The following BCOR variants were observed in gnomAD, a reference collection of about 807,000 sequenced individuals.
BCOR encodes the protein BCL-6 corepressor.
Under a neutral mutation model 86.7 loss-of-function variants are expected in BCOR, and 10 were observed. The ratio of observed to expected loss-of-function variants is 0.12; its 90% CI spans 0.07 to 0.20. The LOEUF (loss-of-function observed/expected upper bound fraction) is 0.20. Among genes scored for constraint, BCOR ranks in the 10% least tolerant of loss-of-function variants. The pLI is 1.00. For synonymous variants in BCOR, 611 were observed against 609.0 expected (o/e 1.00, Z -0.05); for missense variants, 1,259 against 1,452.1 (o/e 0.87, Z 2.16).
At chrX:40,094,284 T>A (rs1936750991) in intron 1 of BCOR, among the ~76,000 whole-genome samples, 1 of 112,220 alleles carries the variant, frequency 8.9e-6, no homozygotes, top group Admixed American at 9.3e-5. Context: ...GGAGCCTGCA[T>A]GCCTGTCTAG....
upstream of BCOR, among the ~76,000 whole-genome samples, chrX:40,098,528 A>C (rs1432186957): frequency 9.0e-6 from 1 of 111,184 alleles, no homozygotes; most frequent in Non-Finnish European, 1.9e-5. Context: ...GCTACCCAGA[A>C]GGCCAGTGGA....
rs1417294546 is a variant in BCOR, at chrX:40,073,992, C to T, written c.1354G>A (p.Ala452Thr). 5 of 1,211,024 alleles carry T rather than the reference C, an allele frequency of 4.1e-6. No homozygotes were observed. In the African/African-American group the frequency reaches 8.7e-5, roughly 21 times the overall value. ...DLSSKVVDVD[A>T]SKADHMKKMA... ...TTTTTCATGTGGTCAGCTTTGGAAG[C>T]ATCTACATCCACCACTTTAGAAGAC... Residue 452 changes from alanine (A) to threonine (T), a missense_variant, in exon 4 of 15, where the codon GCT becomes ACT. By Grantham distance (58) the Ala-to-Thr change is moderately conservative. Transcript: ENST00000378444.
At chrX:40,103,836 G>C (rs1027575550) in intron 1 of BCOR, among the ~76,000 whole-genome samples, 1 of 111,644 alleles carries the variant, frequency 9.0e-6, no homozygotes, top group Non-Finnish European at 1.9e-5. Flanking sequence ...GCTAAGCTGG[G>C]GCAAAGCGGC....
chrX:40,068,971 C>A (rs1310428868), intron 6 of BCOR, among the ~76,000 whole-genome samples: 1 of 112,762 alleles, frequency 8.9e-6, no homozygotes, highest in African/African-American at 3.2e-5. Context: ...TTCGGGGAGG[C>A]ATCCTGTACC....
At chrX:40,174,875 T>C (rs1388926752) in intron 1 of BCOR, among the ~76,000 whole-genome samples, 2 of 113,098 alleles carry the variant, frequency 1.8e-5, no homozygotes, top group African/African-American at 6.4e-5. Context: ...CAACGTGTAT[T>C]AGATTGAAAC....
At position 40,146,310 on chromosome X, in the gene BCOR, C is replaced by T. The variant is rs201611619; in HGVS notation, c.-41+30697G>A. Among the ~76,000 whole-genome samples the T allele has an allele frequency of 8.2e-3, 915 of 111,647 alleles. 5 individuals are homozygous for T. Among genetic ancestry groups the T allele is most frequent in the Non-Finnish European group, 0.012 (651 of 52,781 alleles). The stretch of plus-strand genomic sequence containing the variant: ...CCCTGAGGTCCTCCCTGCGCCCCCA[C>T]TCTGTTTAACCCCCAGGTGGGGAGA... On this transcript the variant is annotated intron_variant, in intron 1 of 14. Coordinates refer to the BCOR transcript ENST00000342274.
rs1371290509 is a variant in BCOR at position 40,097,371 on chromosome X, GAGA to G, written c.-200_-198del. 29 of 110,631 alleles carry G rather than the reference GAGA, an allele frequency of 2.6e-4. No homozygotes were observed. Among genetic ancestry groups the G allele is most frequent in the African/African-American group, 9.5e-4 (29 of 30,540 alleles). 9.1% of individuals were successfully genotyped at this position (110,631 alleles called of 1,213,427 possible). A position where few individuals can be genotyped will look rare whatever the true frequency, so the allele number is the denominator to read the frequency against. The stretch of plus-strand genomic sequence containing the variant: ...GGGGGGTTGGCGACGTTAACGAGCG[GAGA>G]AGGAGCCGGGCCGGAGAAGCGCGGC... On this transcript the variant is annotated 5_prime_UTR_variant, in exon 1 of 15. Coordinates refer to ENST00000378444, the MANE Select transcript of BCOR (RefSeq NM_001123385.2).
intron 1 of BCOR, among the ~76,000 whole-genome samples, chrX:40,172,565 CTG>C (rs1938650507): frequency 8.8e-6 from 1 of 113,144 alleles, no homozygotes; most frequent in Non-Finnish European, 1.9e-5. Flanking sequence ...GTTTATGTGT[CTG>C]CGCGCGCGCC....
chrX:40,077,981 A>G lies in BCOR; in HGVS notation c.-40-12T>C, dbSNP rs1490361224. 4 of 1,068,456 alleles carry G rather than the reference A, an allele frequency of 3.7e-6. No individual in the cohort carries two copies. Among genetic ancestry groups the G allele is most frequent in the East Asian group, 3.0e-5 (1 of 33,196 alleles). 88.1% of individuals were successfully genotyped at this position (1,068,456 alleles called of 1,213,427 possible). On this transcript the variant is annotated splice_polypyrimidine_tract_variant and intron_variant, in intron 1 of 14. Transcript: ENST00000378444. Reference sequence around the variant, plus strand: ...TTCAAGCGTCTAGTCTGTTAAAAGGAAAGAAAAAAAATCCCAGGAGGTTCA... The same window carrying G: ...TTCAAGCGTCTAGTCTGTTAAAAGGGAAGAAAAAAAATCCCAGGAGGTTCA...
intron 1 of BCOR, among the ~76,000 whole-genome samples, chrX:40,111,019 CA>C (rs1937304679): frequency 9.0e-6 from 1 of 110,674 alleles, no homozygotes. Context: ...GGCCGAGAAT[CA>C]ACCACTTTCT....
rs186240806 is a variant in BCOR at position 40,118,764 on chromosome X, A to G, written c.-40-40795T>C. ...CCCTAGTTCCTCTACTGAGTATTCC[A>G]CAGGCTACAGGGGCCTCCTGAGACT... On this transcript the variant is annotated intron_variant, in intron 1 of 14. Transcript: ENST00000342274. Among the ~76,000 whole-genome samples the G allele has an allele frequency of 6.6e-3, 746 of 112,350 alleles. 5 individuals carry two copies. Among genetic ancestry groups the G allele is most frequent in the Non-Finnish European group, 0.012 (644 of 53,245 alleles).
At position 40,073,799 on chromosome X, in the gene BCOR, G is replaced by A. The variant is rs1331401185; in HGVS notation, c.1547C>T (p.Pro516Leu). The change falls in exon 4 of 15, where the codon CCT (proline) becomes CTT (leucine). Residue 516 changes from proline (P) to leucine (L), a missense_variant. By Grantham distance (98) the Pro-to-Leu change is moderately conservative (BLOSUM62 -3). Coordinates refer to ENST00000378444, the MANE Select transcript of BCOR (RefSeq NM_001123385.2). ...GCTTTTGCCATTGTTCTCTTCGTTA[G>A]GACTTGGCCCGGGCACCACCCAGGA... is the stretch of plus-strand genomic sequence containing the variant. Reference protein sequence around the residue: ...PSSWVVPGPSPNEENNGKSMS... With the variant: ...PSSWVVPGPSLNEENNGKSMS... 2 of 1,212,509 alleles carry A rather than the reference G, an allele frequency of 1.6e-6. No homozygotes were observed. The highest frequency in any genetic ancestry group is 2.2e-6 in the Non-Finnish European group (2 of 895,679).
At chrX:40,139,489 ATATATATATT>A (rs1395395138) in intron 1 of BCOR, among the ~76,000 whole-genome samples, 3 of 10,113 alleles carry the variant, frequency 3.0e-4, no homozygotes, top group African/African-American at 6.6e-4. Flanking sequence ...ATATATATAT[ATATATATATT>A]TTTTTTTTTT....
chrX:40,147,554 G>C (rs1402154581), intron 1 of BCOR, among the ~76,000 whole-genome samples: 1 of 113,020 alleles, frequency 8.8e-6, no homozygotes, highest in Non-Finnish European at 1.9e-5. Context: ...GCGGGAAGAG[G>C]CCGAGCTGAC....
intron 1 of BCOR, among the ~76,000 whole-genome samples, chrX:40,148,134 C>A (rs1315003222): frequency 8.9e-6 from 1 of 112,199 alleles, no homozygotes; most frequent in African/African-American, 3.2e-5. Context: ...TTCGCAATTG[C>A]AATACCCTGA....
In BCOR at chrX:40,053,959, C is replaced by T. The variant is rs367883774; in HGVS notation, c.4903G>A (p.Asp1635Asn). 1.6e-5 allele frequency: 19 copies of T among 1,210,560 alleles called. No individual in the cohort carries two copies. The highest frequency in any genetic ancestry group is 5.3e-5 in the South Asian group (3 of 56,877). ...DQDDDDDAYS[D>N]VFEFEFSETP... is the part of the protein sequence containing the mutation. Reference sequence around the variant, plus strand: ...TCTGAAAATTCAAATTCAAACACATCGCTATAGGCATCGTCATCATCATCC... The same window carrying T: ...TCTGAAAATTCAAATTCAAACACATTGCTATAGGCATCGTCATCATCATCC... Residue 1635 changes from aspartate (D) to asparagine (N), a missense_variant, in exon 14 of 15, where the codon GAT becomes AAT. By Grantham distance (23) the Asp-to-Asn change is conservative (BLOSUM62 1). This residue lies in a region of BCOR where 137 missense variants were observed against 149.8 expected (regional missense o/e 0.91). Transcript: ENST00000378444.
At chrX:40,160,399 C>G (rs1455058131) in intron 1 of BCOR, among the ~76,000 whole-genome samples, 1 of 110,414 alleles carries the variant, frequency 9.1e-6, no homozygotes, top group Non-Finnish European at 1.9e-5. Context: ...GGATTACAGG[C>G]ATGAGCCACC....
At position 40,139,465 on chromosome X, in the gene BCOR, AT is replaced by A. The variant is rs1228081230; in HGVS notation, c.-41+37541del. Among the ~76,000 whole-genome samples, 2 of 3,145 alleles carry A rather than the reference AT, an allele frequency of 6.4e-4. 1 individual carries two copies. Among genetic ancestry groups the A allele is most frequent in the African/African-American group, 7.3e-3 (2 of 273 alleles). The allele number at this position is 3,145 out of a possible 115,157, so 2.7% of individuals were successfully genotyped here. ...ATATATAATATATATACATATATAT[AT>A]ATATATATATATATATATATATATA... On this transcript the variant is annotated intron_variant, in intron 1 of 14. Transcript: ENST00000342274.
intron 1 of BCOR, among the ~76,000 whole-genome samples, chrX:40,173,810 C>A (rs762708056): frequency 8.9e-6 from 1 of 112,600 alleles, no homozygotes; most frequent in Non-Finnish European, 1.9e-5. Flanking sequence ...TAAATCAGTT[C>A]TCGGAGGAGT....
Sources: gnomAD v4.1 joint callset for allele counts (sites outside exome capture counted in the v4.1 genomes callset) on GRCh38, gnomAD v4.1.1 for gene constraint, gnomAD v4.1.1 regional missense constraint, MANE v1.5 for transcripts, NCBI Gene and HGNC (gene_info 2026-07-23, HGNC 2026-07-21) for gene names.